The following AKAIN1 variants were observed in gnomAD, a reference collection of about 807,000 sequenced individuals.
AKAIN1 encodes the protein A-kinase anchor inhibitor 1, also known as A-kinase anchor protein inhibitor 1.
In AKAIN1, 3 loss-of-function variants were observed where a neutral mutation model predicts 3.7. The observed-to-expected ratio is 0.82, with a 90% CI of 0.37 to 2.12. The LOEUF (loss-of-function observed/expected upper bound fraction) is 2.12, where lower values mean the gene tolerates loss of function less well. AKAIN1 is among the 30% of genes most tolerant of loss of function. The pLI is 0.06. For synonymous variants in AKAIN1, 31 were observed against 30.8 expected, an observed-to-expected ratio of 1.01 and a Z score of -0.02; for missense variants, 82 against 82.7, an observed-to-expected ratio of 0.99 and a Z score of 0.03.
At position 5,144,284 on chromosome 18, in the gene AKAIN1, TA is replaced by T. The variant is rs549606174; in HGVS notation, c.*1277del. Among the ~76,000 whole-genome samples, 14 of 151,880 alleles carry T rather than the reference TA, an allele frequency of 9.2e-5. No homozygotes were observed. In the East Asian group the frequency reaches 9.7e-4, roughly 10 times the overall value. ...CAATTTATACCCGAATACTTTGCTT[TA>T]AAAAAAAATCAAATGTAGATATTGA... On this transcript the variant is annotated 3_prime_UTR_variant, in exon 2 of 2. Transcript: ENST00000434239.
chr18:5,194,346 T>G (rs566560213), intron 1 of AKAIN1, among the ~76,000 whole-genome samples: 3 of 152,178 alleles, frequency 2.0e-5, no homozygotes, highest in Non-Finnish European at 4.4e-5. Flanking sequence ...TTGAACTGTC[T>G]GCCTCATGCA....
intron 1 of AKAIN1, among the ~76,000 whole-genome samples, chr18:5,185,115 A>G (rs371949346): frequency 6.6e-6 from 1 of 152,174 alleles, no homozygotes; most frequent in South Asian, 2.1e-4. Flanking sequence ...CTATTCAATA[A>G]ATGGTGCTGG....
chr18:5,161,962 G>T (rs2143331440), intron 1 of AKAIN1, among the ~76,000 whole-genome samples: 1 of 152,240 alleles, frequency 6.6e-6, no homozygotes, highest in East Asian at 1.9e-4. Flanking sequence ...AGTAGTAAAA[G>T]ATGGAGCTCT....
At chr18:5,170,770 A>T (rs1342327771) in intron 1 of AKAIN1, 1 of 152,138 alleles carries the variant, frequency 6.6e-6, no homozygotes, top group East Asian at 1.9e-4. Context: ...GGTAGAAGAA[A>T]AATGACAAGG....
intron 1 of AKAIN1, chr18:5,163,648 T>C (rs1296624281): frequency 6.6e-6 from 1 of 152,078 alleles, no homozygotes; most frequent in East Asian, 1.9e-4. Context: ...TTGAAATTCC[T>C]TGTATGTTAA....
At chr18:5,188,943 T>G (rs917896048) in intron 1 of AKAIN1, among the ~76,000 whole-genome samples, 3 of 152,206 alleles carry the variant, frequency 2.0e-5, no homozygotes, top group African/African-American at 7.2e-5. Flanking sequence ...TGACTTTCTT[T>G]GAAATCTAGG....
At chr18:5,171,430 A>T (rs1212771045) in intron 1 of AKAIN1, among the ~76,000 whole-genome samples, 1 of 152,142 alleles carries the variant, frequency 6.6e-6, no homozygotes, top group Non-Finnish European at 1.5e-5. Flanking sequence ...AAATGTTTGC[A>T]AACTTCCCAT....
chr18:5,172,511 T>C (rs2071203429), intron 1 of AKAIN1, among the ~76,000 whole-genome samples: 1 of 152,076 alleles, frequency 6.6e-6, no homozygotes, highest in South Asian at 2.1e-4. Context: ...TATTGATTTC[T>C]TGTGGCATTG....
In AKAIN1 at chr18:5,179,815, G is replaced by A. The variant is rs77241601; in HGVS notation, c.16+17223C>T. ...CAGCTCTTTAATATGCTCCTTCCTC[G>A]AGGACATCTTTATTGTTGTTTAAAG... On this transcript the variant is annotated intron_variant, in intron 1 of 1. Transcript: ENST00000434239. Among the ~76,000 whole-genome samples the A allele has an allele frequency of 1.3e-4, 20 of 152,138 alleles. No homozygotes were observed. The East Asian group carries it at 3.5e-3, about 27-fold the overall frequency.
intron 1 of AKAIN1, among the ~76,000 whole-genome samples, chr18:5,160,401 G>A (rs757104018): frequency 1.7e-4 from 26 of 151,982 alleles, no homozygotes; most frequent in African/African-American, 5.6e-4. Flanking sequence ...TGAGGTACCC[G>A]TTTAAGTTAT....
At chr18:5,183,733 C>T (rs944526516) in intron 1 of AKAIN1, among the ~76,000 whole-genome samples, 7 of 152,054 alleles carry the variant, frequency 4.6e-5, no homozygotes, top group African/African-American at 1.7e-4. Flanking sequence ...AACCATTGCT[C>T]TTAGGAAAAA....
At chr18:5,197,464 G>A (rs1021556365), upstream of AKAIN1, 1 of 1,111,982 alleles carries the variant, frequency 9.0e-7, no homozygotes. The surrounding 1 kb of genome is among the most constrained non-coding windows in gnomAD (Gnocchi z 6.9). Context: ...GCTGTGGCTC[G>A]TCGCCGTGGA....
At chr18:5,194,476 G>A (rs1039515397) in intron 1 of AKAIN1, among the ~76,000 whole-genome samples, 3 of 152,128 alleles carry the variant, frequency 2.0e-5, no homozygotes, top group South Asian at 4.2e-4. Flanking sequence ...ATCCTAAATA[G>A]GGTTAATAAA....
Position 5,143,978 on chromosome 18 carries a change from T to G in AKAIN1, c.*1584A>C, listed in dbSNP as rs913423297. 7.2e-5 allele frequency among the ~76,000 whole-genome samples: 11 copies of G among 152,246 alleles called. No individual in the cohort carries two copies. Among genetic ancestry groups the G allele is most frequent in the African/African-American group, 2.7e-4 (11 of 41,472 alleles). On this transcript the variant is annotated 3_prime_UTR_variant, in exon 2 of 2. Coordinates refer to ENST00000434239, the MANE Select transcript of AKAIN1 (RefSeq NM_001145194.2). The stretch of plus-strand genomic sequence containing the variant: ...ATTCTCACTATGTATGCTATGCAAT[T>G]ATATCACATCAGTTATATGACTTTT...
At chr18:5,197,469 C>T, upstream of AKAIN1, 2 of 1,073,370 alleles carry the variant, frequency 1.9e-6, no homozygotes, top group Non-Finnish European at 1.1e-6. The surrounding 1 kb of genome is among the most constrained non-coding windows in gnomAD (Gnocchi z 6.9). Context: ...GGCTCGTCGC[C>T]GTGGATATTG....
At chr18:5,190,196 C>G (rs192962653) in intron 1 of AKAIN1, among the ~76,000 whole-genome samples, 153 of 152,240 alleles carry the variant, frequency 1.0e-3, no homozygotes, top group Non-Finnish European at 1.6e-3. Flanking sequence ...GGTATTAATC[C>G]ACTTATGAGG....
chr18:5,164,800 A>G (rs1468706861), intron 1 of AKAIN1, among the ~76,000 whole-genome samples: 1 of 152,072 alleles, frequency 6.6e-6, no homozygotes, highest in African/African-American at 2.4e-5. Context: ...TAACATTTAT[A>G]TCACCCCCAC....
chr18:5,166,431 C>A (rs1221064658), intron 1 of AKAIN1, among the ~76,000 whole-genome samples: 1 of 151,812 alleles, frequency 6.6e-6, no homozygotes, highest in East Asian at 1.9e-4. Flanking sequence ...CCTTTTTATC[C>A]CTCTCCCATA....
intron 1 of AKAIN1, among the ~76,000 whole-genome samples, chr18:5,153,604 C>A (rs1302447804): frequency 1.3e-5 from 2 of 152,148 alleles, no homozygotes; most frequent in Non-Finnish European, 2.9e-5. Context: ...ATGAAAGTGA[C>A]TACTTCATAC....
Sources: gnomAD v4.1 joint callset for allele counts (sites outside exome capture counted in the v4.1 genomes callset) on GRCh38, gnomAD v4.1.1 for gene constraint, Gnocchi (gnomAD v3.1) non-coding constraint, MANE v1.5 for transcripts, NCBI Gene and HGNC (gene_info 2026-07-23, HGNC 2026-07-21) for gene names.